The following RPS6KA2 variants were observed in gnomAD, a reference collection of about 807,000 sequenced individuals.
RPS6KA2 encodes the protein ribosomal protein S6 kinase A2.
RPS6KA2 carries 42 observed loss-of-function variants against 91.8 expected under a neutral mutation model. The observed-to-expected ratio is 0.46, with a 90% CI of 0.36 to 0.59. The LOEUF (loss-of-function observed/expected upper bound fraction) is 0.59. Ranked by LOEUF, RPS6KA2 falls within the 20% of genes least tolerant of loss-of-function variation. The pLI, the probability that RPS6KA2 is intolerant of heterozygous loss-of-function variation, is 0.00. For synonymous variants in RPS6KA2, 414 were observed against 393.6 expected (o/e 1.05, Z -0.61); for missense variants, 798 against 978.5 (o/e 0.82, Z 2.46).
chr6:166,837,322 C>A (rs1056373246), intron 2 of RPS6KA2, among the ~76,000 whole-genome samples: 1 of 152,198 alleles, frequency 6.6e-6, no homozygotes, highest in African/African-American at 2.4e-5. Flanking sequence ...GCCTCAGCAG[C>A]CCTTCCCTGG....
At position 166,418,632 on chromosome 6, in the gene RPS6KA2, G is replaced by A. The variant is rs555355020; in HGVS notation, c.1821-290C>T. On this transcript the variant is annotated intron_variant, in intron 18 of 20. Transcript: ENST00000265678. This position sits in a 1 kb window ranked among gnomAD's most constrained non-coding sequence, Gnocchi z 4.9. ...AAACTGGGATGGGGTGGCCTAGTGA[G>A]TTGCCTGGTGCCGTGGTTTCCACGG... is the stretch of plus-strand genomic sequence containing the variant. 2.3e-4 allele frequency among the ~76,000 whole-genome samples: 35 copies of A among 152,378 alleles called. No individual in the cohort carries two copies. Among genetic ancestry groups the A allele is most frequent in the Non-Finnish European group, 4.6e-4 (31 of 68,038 alleles).
At chr6:166,559,361 G>A (rs573355461) in intron 1 of RPS6KA2, among the ~76,000 whole-genome samples, 12 of 152,310 alleles carry the variant, frequency 7.9e-5, no homozygotes, top group African/African-American at 2.4e-4. Flanking sequence ...TACGAATTTT[G>A]TCAGTGTTGC....
chr6:166,851,874 A>G (rs1005309712), intron 2 of RPS6KA2, among the ~76,000 whole-genome samples: 3 of 152,246 alleles, frequency 2.0e-5, no homozygotes, highest in African/African-American at 7.2e-5. Context: ...TCTGCAGATG[A>G]CAAGAGCCAG....
intron 2 of RPS6KA2, among the ~76,000 whole-genome samples, chr6:166,668,433 C>T (rs1399584233): frequency 2.0e-5 from 3 of 152,126 alleles, no homozygotes; most frequent in East Asian, 1.9e-4. Flanking sequence ...GGCAGGGACT[C>T]GGCATCTGAA....
rs373298146 is a variant in RPS6KA2, at chr6:166,738,236, C to A, written c.123+119964G>T. 8.6e-4 allele frequency among the ~76,000 whole-genome samples: 131 copies of A among 152,288 alleles called. 2 individuals carry two copies. Among genetic ancestry groups the A allele is most frequent in the African/African-American group, 3.1e-3 (129 of 41,560 alleles). ...AAAATGACAGAAAGAGTAATTATAA[C>A]TCAAACAGTCCTGAAAGCCACTGTT... is the stretch of plus-strand genomic sequence containing the variant. On this transcript the variant is annotated intron_variant, in intron 2 of 21. Transcript: ENST00000503859.
intron 1 of RPS6KA2, among the ~76,000 whole-genome samples, chr6:166,592,609 C>T (rs2128521889): frequency 6.6e-6 from 1 of 151,996 alleles, no homozygotes; most frequent in South Asian, 2.1e-4. Flanking sequence ...TTATATCAGG[C>T]CCGGATTGAT....
chr6:166,526,422 TG>T (rs1371437991), intron 3 of RPS6KA2, among the ~76,000 whole-genome samples: 1 of 140,176 alleles, frequency 7.1e-6, no homozygotes, highest in African/African-American at 2.7e-5. Context: ...CACAGCTCAC[TG>T]AAGCCTTGAG....
chr6:166,531,664 TGTA>T (rs1554286685), intron 2 of RPS6KA2, among the ~76,000 whole-genome samples: 1 of 152,212 alleles, frequency 6.6e-6, no homozygotes, highest in Non-Finnish European at 1.5e-5. Flanking sequence ...AGTATCCCTC[TGTA>T]AATCCTTACT....
chr6:166,665,774 T>C lies in RPS6KA2; in HGVS notation c.124-126990A>G, dbSNP rs892533101. On this transcript the variant is annotated intron_variant, in intron 2 of 21. Coordinates refer to the RPS6KA2 transcript ENST00000503859. This position sits in a 1 kb window ranked among gnomAD's most constrained non-coding sequence, Gnocchi z 4.5. ...CTGAACCTCGTTTTGGGGAGAAACTTGGTTGTTCATGTCACGGAGAAGGAA... is the reference window on the plus strand; with the variant it reads ...CTGAACCTCGTTTTGGGGAGAAACTCGGTTGTTCATGTCACGGAGAAGGAA... Among the ~76,000 whole-genome samples, 7 of 152,068 alleles carry C rather than the reference T, an allele frequency of 4.6e-5. No homozygotes were observed. The highest frequency in any genetic ancestry group is 1.7e-4 in the African/African-American group (7 of 41,386).
chr6:166,587,147 T>A (rs955279590), intron 1 of RPS6KA2, among the ~76,000 whole-genome samples: 1 of 152,182 alleles, frequency 6.6e-6, no homozygotes, highest in Admixed American at 6.5e-5. Context: ...GACTAACACA[T>A]AAGGAAGAAA....
intron 14 of RPS6KA2, among the ~76,000 whole-genome samples, chr6:166,444,692 C>T (rs1029418788): frequency 5.9e-5 from 9 of 152,308 alleles, no homozygotes; most frequent in Admixed American, 4.6e-4. Flanking sequence ...AGTGAAGGAT[C>T]TTGGACGTTC....
At chr6:166,656,492 C>T (rs1788006232) in intron 2 of RPS6KA2, among the ~76,000 whole-genome samples, 2 of 152,230 alleles carry the variant, frequency 1.3e-5, no homozygotes, top group African/African-American at 4.8e-5. Context: ...TCCCCACAGG[C>T]CTGTGCCTCC....
intron 2 of RPS6KA2, among the ~76,000 whole-genome samples, chr6:166,801,242 TAAAG>T (rs1362804911): frequency 6.6e-6 from 1 of 152,088 alleles, no homozygotes; most frequent in Non-Finnish European, 1.5e-5. Flanking sequence ...ACATAAAACA[TAAAG>T]ATAGTATCCA....
In RPS6KA2 at chr6:166,557,895, G is replaced by A. The variant is rs1001809563; in HGVS notation, c.100-19111C>T. On this transcript the variant is annotated intron_variant, in intron 1 of 20. Coordinates refer to ENST00000265678, the MANE Select transcript of RPS6KA2 (RefSeq NM_021135.6). This position sits in a 1 kb window ranked among gnomAD's most constrained non-coding sequence, Gnocchi z 4.8. The stretch of plus-strand genomic sequence containing the variant: ...CACCAGTGTATGTCAGGGTTCTTCA[G>A]AAAAACAAAACCAGTAGGTGATATG... Among the ~76,000 whole-genome samples, 9 of 152,004 alleles carry A rather than the reference G, an allele frequency of 5.9e-5. No homozygotes were observed. The highest frequency in any genetic ancestry group is 1.9e-4 in the African/African-American group (8 of 41,368).
chr6:166,590,875 G>GC (rs1785334241), intron 1 of RPS6KA2, among the ~76,000 whole-genome samples: 1 of 152,160 alleles, frequency 6.6e-6, no homozygotes, highest in African/African-American at 2.4e-5. Context: ...ACACGACTTA[G>GC]AGTAAGGCCT....
chr6:166,686,211 G>A (rs1040565398), intron 2 of RPS6KA2, among the ~76,000 whole-genome samples: 1 of 152,140 alleles, frequency 6.6e-6, no homozygotes, highest in Non-Finnish European at 1.5e-5. Flanking sequence ...CCTGCCGCCA[G>A]GAACAGGAGT....
In RPS6KA2 at chr6:166,701,114, G is replaced by A; in HGVS notation, c.123+157086C>T. ...GAGCCTTACTTCCGTCTTGACTGAG[G>A]TGGTCCACTTTGCAGAGCCTTCTGT... On this transcript the variant is annotated intron_variant, in intron 2 of 21. Transcript: ENST00000503859. The A allele has an allele frequency of 1.9e-6, 3 of 1,611,344 alleles. No individual in the cohort carries two copies. The South Asian group carries it at 3.3e-5, about 18-fold the overall frequency.
intron 1 of RPS6KA2, among the ~76,000 whole-genome samples, chr6:166,625,199 G>GA (rs1304690925): frequency 2.6e-5 from 4 of 152,124 alleles, no homozygotes; most frequent in Non-Finnish European, 5.9e-5. Context: ...AGCACTAATT[G>GA]ACTACTTGCT....
In RPS6KA2 at chr6:166,627,057, G is replaced by A; in HGVS notation, c.-38C>T. 7.4e-7 allele frequency: 1 copy of A among 1,356,150 alleles called. No homozygotes were observed. The allele number at this position is 1,356,150 out of a possible 1,614,324, so 84.0% of individuals were successfully genotyped here. On this transcript the variant is annotated 5_prime_UTR_variant, in exon 1 of 21. Transcript: ENST00000265678. ...AGCCCGGAGCAGCCGCAGGGCCGGG[G>A]GACGCGCATCCCCGGCATCCCAGGC...
Sources: allele counts gnomAD v4.1 joint callset (sites outside exome capture counted in the v4.1 genomes callset), GRCh38; gene constraint gnomAD v4.1.1; non-coding constraint Gnocchi (gnomAD v3.1); transcripts MANE v1.5; gene names NCBI Gene and HGNC (gene_info 2026-07-23, HGNC 2026-07-21).